CNTN5: variants seen among roughly 807,000 people sequenced by gnomAD.
The protein encoded by CNTN5 is contactin 5.
A neutral mutation model predicts 129.1 loss-of-function variants in CNTN5; 77 were observed. That is an observed-to-expected ratio of 0.60 (90% CI 0.50 to 0.72). CNTN5 has a LOEUF of 0.72. Among genes scored for constraint, CNTN5 ranks in the 30% least tolerant of loss-of-function variants. CNTN5 has a pLI of 0.00. For missense variants in CNTN5, 1,478 were observed against 1,328.8 expected (o/e 1.11, Z -1.75); for synonymous variants, 509 against 465.6 (o/e 1.09, Z -1.20).
chr11:99,496,551 C>T (rs558430699), intron 2 of CNTN5, among the ~76,000 whole-genome samples: 15 of 152,276 alleles, frequency 9.9e-5, no homozygotes, highest in African/African-American at 3.4e-4. Flanking sequence ...TATATGGGAA[C>T]AGCAAATGGG....
At position 99,788,864 on chromosome 11, in the gene CNTN5, AG is replaced by A. The variant is rs532057290; in HGVS notation, c.56-30675del. ...TATATACGGGGAATGCTTTTTATTA[AG>A]GGGGCTCAATTTCAGATTTCATCAG... On this transcript the variant is annotated intron_variant, in intron 3 of 24. Transcript: ENST00000524871. Among the ~76,000 whole-genome samples the A allele has an allele frequency of 1.2e-3, 176 of 151,950 alleles. 1 individual carries two copies. Among genetic ancestry groups the A allele is most frequent in the African/African-American group, 3.9e-3 (163 of 41,536 alleles).
At chr11:99,272,890 A>G (rs908024238) in intron 1 of CNTN5, among the ~76,000 whole-genome samples, 12 of 151,874 alleles carry the variant, frequency 7.9e-5, no homozygotes, top group Non-Finnish European at 1.6e-4. Flanking sequence ...ACTTTAAAAA[A>G]CTTATAACAT....
At chr11:99,963,333 G>A (rs868647637) in intron 8 of CNTN5, among the ~76,000 whole-genome samples, 28 of 152,224 alleles carry the variant, frequency 1.8e-4, no homozygotes, top group Middle Eastern at 3.4e-3. Flanking sequence ...ATTATTTTTT[G>A]TATAAGGTGT....
intron 3 of CNTN5, among the ~76,000 whole-genome samples, chr11:99,757,535 C>T (rs1052544512): frequency 1.3e-5 from 2 of 152,046 alleles, no homozygotes; most frequent in South Asian, 2.1e-4. Flanking sequence ...TTTCTGTTTT[C>T]TCTCCTTATA....
At chr11:100,315,043 C>A (rs1951550168) in intron 21 of CNTN5, among the ~76,000 whole-genome samples, 1 of 152,092 alleles carries the variant, frequency 6.6e-6, no homozygotes, top group Non-Finnish European at 1.5e-5. Flanking sequence ...TTTCTGCTTT[C>A]TTGAATTTTT....
chr11:99,978,427 C>T (rs555354432), intron 8 of CNTN5, among the ~76,000 whole-genome samples: 12 of 152,254 alleles, frequency 7.9e-5, no homozygotes, highest in African/African-American at 1.4e-4. Flanking sequence ...GCTTCACATC[C>T]GCTCACCACT....
chr11:99,075,590 C>G (rs1478978194), intron 1 of CNTN5, among the ~76,000 whole-genome samples: 2 of 152,104 alleles, frequency 1.3e-5, no homozygotes, highest in Non-Finnish European at 2.9e-5. Context: ...TATTCTTTTT[C>G]TATTATCAAA....
intron 3 of CNTN5, among the ~76,000 whole-genome samples, chr11:99,691,115 G>A (rs1242815568): frequency 6.6e-6 from 1 of 151,132 alleles, no homozygotes; most frequent in Non-Finnish European, 1.5e-5. Flanking sequence ...GGCCATTATT[G>A]TTTCTGATTG....
rs1233793102 is a variant in CNTN5, at chr11:100,224,268, G to A, written c.1885-424G>A. On this transcript the variant is annotated intron_variant, in intron 15 of 24. Coordinates refer to ENST00000524871, the MANE Select transcript of CNTN5 (RefSeq NM_014361.4). ...GAAAAGAGCTATTCAATAAAGTCAC[G>A]AGATAATATTTTGATTGCTATCTTT... Among the ~76,000 whole-genome samples the A allele has an allele frequency of 2.6e-5, 4 of 152,062 alleles. No homozygotes were observed. In the East Asian group the frequency reaches 5.8e-4, roughly 22 times the overall value.
At chr11:99,123,838 T>G (rs968112202) in intron 1 of CNTN5, among the ~76,000 whole-genome samples, 2 of 152,100 alleles carry the variant, frequency 1.3e-5, no homozygotes, top group Non-Finnish European at 2.9e-5. Context: ...GTCAGCTTTT[T>G]CAAAGTTCAG....
At chr11:99,714,953 A>G (rs1011045315) in intron 3 of CNTN5, among the ~76,000 whole-genome samples, 32 of 151,458 alleles carry the variant, frequency 2.1e-4, no homozygotes, top group African/African-American at 7.7e-4. Flanking sequence ...TGGTGTTGGA[A>G]AGCTAGCATT....
intron 3 of CNTN5, among the ~76,000 whole-genome samples, chr11:99,816,980 A>G (rs942661990): frequency 7.2e-5 from 11 of 152,212 alleles, no homozygotes; most frequent in Non-Finnish European, 1.3e-4. Flanking sequence ...CAGTTTAGAT[A>G]GAATATCCAC....
At chr11:99,193,564 T>A (rs996887177) in intron 1 of CNTN5, among the ~76,000 whole-genome samples, 1 of 152,140 alleles carries the variant, frequency 6.6e-6, no homozygotes, top group African/African-American at 2.4e-5. Flanking sequence ...TGGTAACATG[T>A]CCTTCACTTG....
chr11:99,747,782 C>G (rs1289924300), intron 3 of CNTN5, among the ~76,000 whole-genome samples: 2 of 152,066 alleles, frequency 1.3e-5, no homozygotes, highest in Non-Finnish European at 2.9e-5. Context: ...GGCCAGCATT[C>G]TTGTCTTGTT....
intron 7 of CNTN5, among the ~76,000 whole-genome samples, chr11:99,923,276 A>T (rs1351331297): frequency 6.6e-6 from 1 of 152,138 alleles, no homozygotes; most frequent in Non-Finnish European, 1.5e-5. Context: ...TAAGACAATA[A>T]ATATATATAT....
chr11:100,076,599 C>A (rs532667453), intron 13 of CNTN5, among the ~76,000 whole-genome samples: 31 of 152,046 alleles, frequency 2.0e-4, no homozygotes, highest in African/African-American at 7.5e-4. Flanking sequence ...ACCTGAAACT[C>A]AGATCACTCA....
intron 3 of CNTN5, among the ~76,000 whole-genome samples, chr11:99,801,149 C>T (rs751038908): frequency 6.6e-6 from 1 of 152,154 alleles, no homozygotes; most frequent in Non-Finnish European, 1.5e-5. Context: ...TCCCTTAGGG[C>T]TTGCTCGTCT....
chr11:99,697,864 T>G (rs767800284), intron 3 of CNTN5, among the ~76,000 whole-genome samples: 2 of 151,778 alleles, frequency 1.3e-5, no homozygotes, highest in Non-Finnish European at 3.0e-5. Flanking sequence ...GTCATATGAT[T>G]TAAAAGCAAT....
intron 13 of CNTN5, among the ~76,000 whole-genome samples, chr11:100,084,309 A>G (rs113106491): frequency 2.6e-5 from 4 of 152,220 alleles, no homozygotes; most frequent in African/African-American, 9.6e-5. Context: ...CAAGCATCTA[A>G]GTATATGCTC....
Sources: gnomAD v4.1 joint callset for allele counts (sites outside exome capture counted in the v4.1 genomes callset) on GRCh38, gnomAD v4.1.1 for gene constraint, MANE v1.5 for transcripts, NCBI Gene and HGNC (gene_info 2026-07-23, HGNC 2026-07-21) for gene names.